Variants in BRCA1 observed in about 807,000 individuals in gnomAD.
BRCA1 encodes BRCA1 DNA repair associated.
A neutral mutation model predicts 173.7 loss-of-function variants in BRCA1; 140 were observed. The ratio of observed to expected loss-of-function variants is 0.81; its 90% CI spans 0.70 to 0.93. BRCA1 has a LOEUF of 0.93. Among genes scored for constraint, BRCA1 ranks in the 40% least tolerant of loss-of-function variants. The probability of loss-of-function intolerance (pLI) is 0.00; values close to 1 mark genes in which losing one functional copy is unlikely to be tolerated. For missense variants in BRCA1, 1,983 were observed against 2,172.5 expected (o/e 0.91, Z 1.73); for synonymous variants, 662 against 756.0 (o/e 0.88, Z 2.04).
At chr17:43,080,260 A>G (rs1029333232) in intron 12 of BRCA1, among the ~76,000 whole-genome samples, 4 of 152,234 alleles carry the variant, frequency 2.6e-5, no homozygotes, top group Non-Finnish European at 5.9e-5. Flanking sequence ...AGAATTAAGG[A>G]AGACACTGGA....
chr17:43,080,856 C>T (rs2052974314), intron 12 of BRCA1, among the ~76,000 whole-genome samples: 1 of 151,484 alleles, frequency 6.6e-6, no homozygotes, highest in African/African-American at 2.4e-5. Context: ...GAGTTCAAGA[C>T]CAGCCTAGTT....
intron 16 of BRCA1, among the ~76,000 whole-genome samples, chr17:43,066,490 A>C (rs1237655874): frequency 2.0e-5 from 3 of 152,112 alleles, no homozygotes; most frequent in Non-Finnish European, 2.9e-5. Context: ...AGCTGACTGC[A>C]ACCTCAGCCT....
Position 43,092,571 on chromosome 17 carries a change from T to A in BRCA1, c.2960A>T (p.Lys987Met), listed in dbSNP as rs876659990. Residue 987 changes from lysine to methionine, a missense_variant, in exon 10 of 23, where the codon AAG becomes ATG. By Grantham distance (95) the Lys-to-Met change is moderately conservative. Coordinates refer to ENST00000357654, the MANE Select transcript of BRCA1 (RefSeq NM_007294.4). ...PYRIPPLFPIKSFVKTKCKKN... is the reference protein window; with the variant it reads ...PYRIPPLFPIMSFVKTKCKKN... ...CTTACATTTAGTTTTAACAAATGAC[T>A]TGATGGGAAAAAGTGGTGGTATACG... 6.2e-7 allele frequency: 1 copy of A among 1,614,120 alleles called. No homozygotes were observed. Among genetic ancestry groups the A allele is most frequent in the Non-Finnish European group, 8.5e-7 (1 of 1,180,010 alleles).
Position 43,094,908 on chromosome 17 carries a change from TA to T in BRCA1, c.671-49del, listed in dbSNP as rs273902784. ...AGGTACTCAAAAACTGAATTGTCAT[TA>T]AAAAAATACATACTTCATACACCTT... On this transcript the variant is annotated intron_variant, in intron 9 of 22. Coordinates refer to ENST00000357654, the MANE Select transcript of BRCA1 (RefSeq NM_007294.4). 2.0e-6 allele frequency: 3 copies of T among 1,515,578 alleles called. No individual in the cohort carries two copies. Among genetic ancestry groups the T allele is most frequent in the Admixed American group, 1.9e-5 (1 of 51,918 alleles). 93.9% of individuals were successfully genotyped at this position (1,515,578 alleles called of 1,614,324 possible).
chr17:43,100,556 G>GTA (rs1174880685), intron 6 of BRCA1, among the ~76,000 whole-genome samples: 169 of 13,416 alleles, frequency 0.013, 5 homozygotes, highest in Non-Finnish European at 0.042. Context: ...GTGTGTGTGT[G>GTA]TGTATATATA....
rs2053942184 is a variant in BRCA1 at position 43,094,123 on chromosome 17, T to C, written c.1408A>G (p.Ser470Gly). The C allele has an allele frequency of 6.2e-7, 1 of 1,614,128 alleles. No individual in the cohort carries two copies. Among genetic ancestry groups the C allele is most frequent in the Admixed American group, 1.7e-5 (1 of 60,016 alleles). ...GTTACATGGCTTAAGTTGGGGAGGC[T>C]TGCCTTCTTCCGATAGGTTTTCCCA... ...IFGKTYRKKA[S>G]LPNLSHVTEN... The change falls in exon 10 of 23, where the codon AGC (serine) becomes GGC (glycine). Residue 470 changes from serine (S) to glycine (G), a missense_variant. Physicochemically the swap from Ser to Gly is moderately conservative, Grantham distance 56. Coordinates refer to ENST00000357654, the MANE Select transcript of BRCA1 (RefSeq NM_007294.4).
rs397507243 is a variant in BRCA1 at position 43,063,904 on chromosome 17, C to T, written c.5122G>A (p.Ala1708Thr). Reference sequence around the variant, plus strand: ...TAGCTAACTACCCATTTTCCTCCCGCAATTCCTAGAAAATATTTCAGTGTC... The same window carrying T: ...TAGCTAACTACCCATTTTCCTCCCGTAATTCCTAGAAAATATTTCAGTGTC... ...ERTLKYFLGI[A>T]GGKWVVSYFW... Residue 1708 changes from alanine to threonine, a missense_variant, in exon 17 of 23, where the codon GCG becomes ACG. By Grantham distance (58) the Ala-to-Thr change is moderately conservative (BLOSUM62 0). Coordinates refer to ENST00000357654, the MANE Select transcript of BRCA1 (RefSeq NM_007294.4). The T allele has an allele frequency of 2.5e-6, 4 of 1,614,076 alleles. No homozygotes were observed. In the South Asian group the frequency reaches 4.4e-5, roughly 18 times the overall value.
At chr17:43,120,833 G>A (rs955696293) in intron 2 of BRCA1, among the ~76,000 whole-genome samples, 5 of 152,034 alleles carry the variant, frequency 3.3e-5, no homozygotes, top group African/African-American at 1.2e-4. Context: ...TTGGAAGGCC[G>A]AGGCGGGTGG....
chr17:43,127,097 C>G (rs2055904377), upstream of BRCA1, among the ~76,000 whole-genome samples: 1 of 152,232 alleles, frequency 6.6e-6, no homozygotes, highest in South Asian at 2.1e-4. Context: ...TGCCCGAGCC[C>G]CCTCCCAACC....
rs80356923 is a variant in BRCA1, at chr17:43,091,891, C to A, written c.3640G>T (p.Glu1214Ter). The change falls in exon 10 of 23, where the codon GAG (glutamate) becomes TAG (stop). Residue 1214 changes from glutamate (E) to a stop codon, truncating the protein, a stop_gained. Coordinates refer to ENST00000357654, the MANE Select transcript of BRCA1 (RefSeq NM_007294.4). LOFTEE classifies it high-confidence loss of function. The part of the protein sequence containing the change: ...RGAKKLESSE[E>*]NLSSEDEELP... ...TCTTCATCCTCACTAGATAAGTTCT[C>A]TTCTGAGGACTCTAATTTCTTGGCC... 6.2e-7 allele frequency: 1 copy of A among 1,614,170 alleles called. No homozygotes were observed. The highest frequency in any genetic ancestry group is 8.5e-7 in the Non-Finnish European group (1 of 1,180,022).
chr17:43,070,840 G>A, intron 15 of BRCA1, 88 bp downstream of exon 15: 1 of 1,434,768 alleles, frequency 7.0e-7, no homozygotes, highest in East Asian at 2.3e-5. Context: ...TCTTCCTCTA[G>A]GTTATTAATT....
intron 1 of BRCA1, among the ~76,000 whole-genome samples, chr17:43,145,489 G>T (rs1452547386): frequency 1.3e-5 from 2 of 151,950 alleles, no homozygotes. Context: ...ATCACGCCCG[G>T]CTAATTTTTT....
chr17:43,094,706 G>C lies in BRCA1; in HGVS notation c.825C>G (p.Gly275=). Residue 275 remains glycine, a synonymous_variant, in exon 10 of 23, where the codon GGC becomes GGG. Transcript: ENST00000357654. ...GTAATGAGCTGGCATGAGTATTTGT[G>C]CCACATGGCTCCACATGCAAGTTTG... ...SVSNLHVEPC[G]TNTHASSLQH... The C allele has an allele frequency of 6.2e-7, 1 of 1,612,298 alleles. No individual in the cohort carries two copies. Among genetic ancestry groups the C allele is most frequent in the African/African-American group, 1.3e-5 (1 of 74,882 alleles).
chr17:43,045,356 C>T lies in BRCA1; in HGVS notation c.*322G>A, dbSNP rs1245550562. On this transcript the variant is annotated 3_prime_UTR_variant, in exon 23 of 23. Coordinates refer to ENST00000357654, the MANE Select transcript of BRCA1 (RefSeq NM_007294.4). ...CTTCCAGCCCTAAGCCAACAACAGCCTGAATAGAAAGAATAGGGCTGATAA... is the reference window on the plus strand; with the variant it reads ...CTTCCAGCCCTAAGCCAACAACAGCTTGAATAGAAAGAATAGGGCTGATAA... 57 of 586,588 alleles carry T rather than the reference C, an allele frequency of 9.7e-5. No individual in the cohort carries two copies. The highest frequency in any genetic ancestry group is 6.4e-6 in the Non-Finnish European group (2 of 311,860). The allele number at this position is 586,588 out of a possible 1,614,324, so 36.3% of individuals were successfully genotyped here.
intron 1 of BRCA1, among the ~76,000 whole-genome samples, chr17:43,150,212 C>T (rs1348578557): frequency 6.6e-6 from 1 of 152,142 alleles, no homozygotes; most frequent in African/African-American, 2.4e-5. Flanking sequence ...TGGGCTCAAG[C>T]AATCCTCCCA....
intron 1 of BRCA1, among the ~76,000 whole-genome samples, chr17:43,150,733 T>A (rs4793212): frequency 1.0e-4 from 15 of 150,388 alleles, no homozygotes; most frequent in East Asian, 6.0e-4. Context: ...GAGCTCTAGC[T>A]AAAAAAAAAC....
chr17:43,103,421 C>T (rs187132948), intron 6 of BRCA1, among the ~76,000 whole-genome samples: 3 of 149,780 alleles, frequency 2.0e-5, no homozygotes, highest in East Asian at 4.0e-4. Flanking sequence ...GAGCTGACAT[C>T]GTGTCACTGC....
chr17:43,114,356 G>C (rs543983254), intron 3 of BRCA1, among the ~76,000 whole-genome samples: 17 of 149,484 alleles, frequency 1.1e-4, no homozygotes, highest in African/African-American at 4.2e-4. Flanking sequence ...GGCTTTAAAG[G>C]TTAATCTTTA....
intron 16 of BRCA1, among the ~76,000 whole-genome samples, chr17:43,064,606 TTAAC>T (rs2051972124): frequency 6.6e-6 from 1 of 152,302 alleles, no homozygotes; most frequent in Non-Finnish European, 1.5e-5. Context: ...AGAAATGTAT[TTAAC>T]TAAATCCTAA....
Sources: allele counts gnomAD v4.1 joint callset (sites outside exome capture counted in the v4.1 genomes callset), GRCh38; gene constraint gnomAD v4.1.1; transcripts MANE v1.5; gene names NCBI Gene and HGNC (gene_info 2026-07-23, HGNC 2026-07-21).